GNAO1: variants seen among roughly 807,000 people sequenced by gnomAD.
GNAO1 encodes G protein subunit alpha o1, also known as guanine nucleotide-binding protein G(o) subunit alpha.
For missense variants in GNAO1, 166 were observed against 478.7 expected (o/e 0.35, Z 6.10); for synonymous variants, 164 against 180.7 (o/e 0.91, Z 0.74).
At chr16:56,334,472 G>A (rs756555724) in intron 4 of GNAO1, among the ~76,000 whole-genome samples, 4 of 152,192 alleles carry the variant, frequency 2.6e-5, no homozygotes, top group Non-Finnish European at 4.4e-5. Context: ...TCATATAAAA[G>A]CTTGATCTTG....
At chr16:56,305,599 A>G (rs1283441794) in intron 3 of GNAO1, among the ~76,000 whole-genome samples, 1 of 152,114 alleles carries the variant, frequency 6.6e-6, no homozygotes, top group Non-Finnish European at 1.5e-5. Flanking sequence ...TCAGGGGAGG[A>G]ACGACCTTGA....
chr16:56,215,952 C>G (rs2143346918), intron 2 of GNAO1, among the ~76,000 whole-genome samples: 1 of 152,330 alleles, frequency 6.6e-6, no homozygotes, highest in South Asian at 2.1e-4. Flanking sequence ...CTCTGACTGT[C>G]CCATCTCCTT....
intron 2 of GNAO1, among the ~76,000 whole-genome samples, chr16:56,266,479 T>TC (rs1260606389): frequency 1.3e-5 from 2 of 152,136 alleles, no homozygotes; most frequent in Non-Finnish European, 2.9e-5. Flanking sequence ...CAACCAGTGG[T>TC]CCCTCTGAGC....
intron 2 of GNAO1, among the ~76,000 whole-genome samples, chr16:56,199,094 G>A (rs2036259357): frequency 6.6e-6 from 1 of 152,202 alleles, no homozygotes; most frequent in Non-Finnish European, 1.5e-5. Context: ...TGTCAACGGT[G>A]TATGAAATTG....
At chr16:56,234,190 T>A (rs2036615964) in intron 2 of GNAO1, among the ~76,000 whole-genome samples, 1 of 152,250 alleles carries the variant, frequency 6.6e-6, no homozygotes, top group African/African-American at 2.4e-5. Flanking sequence ...GGTCTGGCTG[T>A]AGGCAGGAGG....
At chr16:56,290,948 T>C (rs1450128633) in intron 3 of GNAO1, among the ~76,000 whole-genome samples, 1 of 152,214 alleles carries the variant, frequency 6.6e-6, no homozygotes, top group Non-Finnish European at 1.5e-5. Flanking sequence ...GTTTTCAAGG[T>C]TTTTCCGTGT....
chr16:56,224,677 C>T (rs1212352912), intron 2 of GNAO1, among the ~76,000 whole-genome samples: 2 of 152,176 alleles, frequency 1.3e-5, no homozygotes, highest in African/African-American at 2.4e-5. Context: ...GATGGGGTTT[C>T]ACCATGTTAG....
chr16:56,323,688 T>C (rs922100353), intron 3 of GNAO1, among the ~76,000 whole-genome samples: 8 of 151,160 alleles, frequency 5.3e-5, no homozygotes, highest in African/African-American at 1.7e-4. Flanking sequence ...AGCCTTTTAG[T>C]TGGATATCAG....
intron 2 of GNAO1, among the ~76,000 whole-genome samples, chr16:56,231,998 G>A (rs1405176066): frequency 6.6e-5 from 10 of 152,112 alleles, no homozygotes; most frequent in Non-Finnish European, 1.2e-4. Flanking sequence ...TGGAGGAGGG[G>A]GGCCCAGACC....
chr16:56,213,626 A>G (rs1401103160), intron 2 of GNAO1, among the ~76,000 whole-genome samples: 1 of 152,086 alleles, frequency 6.6e-6, no homozygotes, highest in African/African-American at 2.4e-5. Context: ...ACCACCATGC[A>G]TGCCTTGATA....
chr16:56,310,322 C>T (rs2037443397), intron 3 of GNAO1, among the ~76,000 whole-genome samples: 2 of 152,032 alleles, frequency 1.3e-5, no homozygotes, highest in Non-Finnish European at 2.9e-5. Flanking sequence ...CAGAGCAAGA[C>T]CCCATCTAAG....
chr16:56,337,269 A>G (rs1294686750), intron 6 of GNAO1, among the ~76,000 whole-genome samples: 2 of 152,246 alleles, frequency 1.3e-5, no homozygotes, highest in East Asian at 1.9e-4. Flanking sequence ...CACTGGCGTC[A>G]GATGCTGCTG....
chr16:56,314,995 G>T (rs1285700758), intron 3 of GNAO1, among the ~76,000 whole-genome samples: 1 of 152,162 alleles, frequency 6.6e-6, no homozygotes, highest in Non-Finnish European at 1.5e-5. Context: ...AACGTGATCT[G>T]CACCTTTTCT....
chr16:56,241,151 G>A (rs7185805), intron 2 of GNAO1, among the ~76,000 whole-genome samples: 31,121 of 152,180 alleles, frequency 0.2, 3,475 homozygotes, highest in East Asian at 0.37. Flanking sequence ...GCCTTACAGC[G>A]CTCTGACGCT....
At chr16:56,220,013 C>A (rs1275689624) in intron 2 of GNAO1, among the ~76,000 whole-genome samples, 2 of 152,162 alleles carry the variant, frequency 1.3e-5, no homozygotes, top group African/African-American at 4.8e-5. Flanking sequence ...GGAGTGGAAC[C>A]ATAGCCCCAG....
chr16:56,313,116 T>A (rs1201511857), intron 3 of GNAO1, among the ~76,000 whole-genome samples: 2 of 152,228 alleles, frequency 1.3e-5, no homozygotes, highest in Non-Finnish European at 2.9e-5. Context: ...AGGGATATGA[T>A]GTTTATAAGG....
chr16:56,340,661 G>A (rs1266767488), intron 6 of GNAO1: 28 of 653,702 alleles, frequency 4.3e-5, no homozygotes, highest in African/African-American at 2.2e-4. Flanking sequence ...ACAGGACCAC[G>A]TCCCGTCTGT....
chr16:56,210,893 AT>A (rs1295988505), intron 2 of GNAO1, among the ~76,000 whole-genome samples: 1 of 152,122 alleles, frequency 6.6e-6, no homozygotes, highest in Non-Finnish European at 1.5e-5. Flanking sequence ...TAATTGCTTC[AT>A]TTTTTGAATT....
intron 2 of GNAO1, among the ~76,000 whole-genome samples, chr16:56,229,577 C>G (rs1415265427): frequency 6.6e-6 from 1 of 152,022 alleles, no homozygotes; most frequent in Non-Finnish European, 1.5e-5. Context: ...TGGATCTCTG[C>G]TGACAACCAG....
Sources: allele counts gnomAD v4.1 joint callset (sites outside exome capture counted in the v4.1 genomes callset), GRCh38; gene constraint gnomAD v4.1.1; transcripts MANE v1.5; gene names NCBI Gene and HGNC (gene_info 2026-07-23, HGNC 2026-07-21).